Variants in LACC1 observed in about 807,000 individuals in gnomAD.
LACC1 encodes the protein purine nucleoside phosphorylase LACC1.
LACC1 carries 25 observed loss-of-function variants against 34.8 expected under a neutral mutation model. The ratio of observed to expected loss-of-function variants is 0.72; its 90% CI spans 0.52 to 1.00. LACC1 has a LOEUF of 1.00. LACC1 is among the 50% of genes least tolerant of loss of function. LACC1 has a pLI of 0.00. For synonymous variants in LACC1, 162 were observed against 168.0 expected, an observed-to-expected ratio of 0.96 and a Z score of 0.28; for missense variants, 426 against 511.2, an observed-to-expected ratio of 0.83 and a Z score of 1.61.
At chr13:43,891,417 C>T (rs1404579166) in intron 6 of LACC1, 32 bp from the exon 7 acceptor site, 3 of 957,578 alleles carry the variant, frequency 3.1e-6, no homozygotes, top group Non-Finnish European at 2.5e-6. Flanking sequence ...CACCAGTAAG[C>T]GTCTCATATT....
At chr13:43,879,463 T>C (rs1367141349), upstream of LACC1, 3 of 152,498 alleles carry the variant, frequency 2.0e-5, no homozygotes, top group Non-Finnish European at 4.4e-5. Flanking sequence ...CTGGTTCCTG[T>C]TCCTCTAACG....
chr13:43,886,231 T>C (rs979330699), intron 4 of LACC1, among the ~76,000 whole-genome samples: 6 of 152,166 alleles, frequency 3.9e-5, no homozygotes, highest in African/African-American at 9.7e-5. Flanking sequence ...AGAACTACCA[T>C]TCAACCCAGC....
rs144432497 is a variant in LACC1, at chr13:43,891,018, G to A, written c.*2-431G>A. 9.2e-5 allele frequency among the ~76,000 whole-genome samples: 14 copies of A among 152,306 alleles called. No individual in the cohort carries two copies. The East Asian group carries it at 1.9e-3, about 21-fold the overall frequency. ...CCTGCTCCTGTAGTCCCAGCTCCTC[G>A]GGAGGCTGAGGTGGGAGGACTGCTT... is the stretch of plus-strand genomic sequence containing the variant. On this transcript the variant is annotated intron_variant, in intron 6 of 6. Transcript: ENST00000325686.
intron 3 of LACC1, 100 bp from the exon 4 acceptor site, chr13:43,883,671 T>A: frequency 2.1e-5 from 17 of 799,370 alleles, no homozygotes; most frequent in Non-Finnish European, 2.9e-5. Context: ...AATCTTAAAC[T>A]GGTTATATAA....
intron 4 of LACC1, among the ~76,000 whole-genome samples, chr13:43,886,895 A>G (rs760160546): frequency 5.3e-5 from 8 of 152,202 alleles, no homozygotes; most frequent in Non-Finnish European, 1.2e-4. Flanking sequence ...ATGTATATAT[A>G]GATAGGCATA....
At chr13:43,885,827 C>T (rs1955294009) in intron 4 of LACC1, among the ~76,000 whole-genome samples, 1 of 152,048 alleles carries the variant, frequency 6.6e-6, no homozygotes, top group African/African-American at 2.4e-5. Context: ...AGAAAACCTA[C>T]AGAATTGGAG....
intron 4 of LACC1, among the ~76,000 whole-genome samples, chr13:43,888,330 G>C (rs1421861568): frequency 6.6e-6 from 1 of 152,154 alleles, no homozygotes; most frequent in East Asian, 1.9e-4. Flanking sequence ...AATAGTTGTA[G>C]AGTTTCCATT....
Position 43,881,235 on chromosome 13 carries a change from A to G in LACC1, c.250A>G (p.Met84Val). 4 of 1,614,216 alleles carry G rather than the reference A, an allele frequency of 2.5e-6. No individual in the cohort carries two copies. Among genetic ancestry groups the G allele is most frequent in the Non-Finnish European group, 3.4e-6 (4 of 1,180,028 alleles). ...ATTTGAGATTGTTAGCTGTCCCAGCATGGCTGCCACTTTGTATACCATTAA... is the reference window on the plus strand; with the variant it reads ...ATTTGAGATTGTTAGCTGTCCCAGCGTGGCTGCCACTTTGTATACCATTAA... The part of the protein sequence containing the change: ...EEFEIVSCPS[M>V]AATLYTIKQK... Residue 84 changes from methionine to valine, a missense_variant, in exon 2 of 7, where the codon ATG becomes GTG. Physicochemically the swap from Met to Val is conservative, Grantham distance 21. Coordinates refer to ENST00000325686, the MANE Select transcript of LACC1 (RefSeq NM_153218.4).
At chr13:43,890,502 T>A (rs1955528519) in intron 6 of LACC1, among the ~76,000 whole-genome samples, 1 of 152,314 alleles carries the variant, frequency 6.6e-6, no homozygotes, top group Admixed American at 6.5e-5. Flanking sequence ...AACACTCTAT[T>A]ATGAAGAGCA....
At chr13:43,882,716 A>G (rs978495157) in intron 3 of LACC1, among the ~76,000 whole-genome samples, 13 of 152,106 alleles carry the variant, frequency 8.5e-5, no homozygotes, top group African/African-American at 2.7e-4. Context: ...AAAGTTTCTA[A>G]GGCATATTTC....
chr13:43,882,880 G>T (rs1045560804), intron 3 of LACC1, among the ~76,000 whole-genome samples: 1 of 152,002 alleles, frequency 6.6e-6, no homozygotes, highest in Non-Finnish European at 1.5e-5. Context: ...GCTTTAGGTA[G>T]CTGGAGTCTA....
chr13:43,879,769 G>GGAGGCGGGGCGCGGT (rs1954848695), upstream of LACC1: 1 of 131,932 alleles, frequency 7.6e-6, no homozygotes. Flanking sequence ...GTGGGCGAGG[G>GGAGGCGGGGCGCGGT]GGGCGAGGTG....
chr13:43,891,395 A>T (rs917199070), intron 6 of LACC1, 54 bp from the exon 7 acceptor site: 1 of 860,230 alleles, frequency 1.2e-6, no homozygotes, highest in African/African-American at 1.8e-5. Context: ...TCTTACCTTG[A>T]TATTCTAATA....
chr13:43,890,114 G>A lies in LACC1; in HGVS notation c.1134G>A (p.Arg378=). 1 of 1,600,576 alleles carries A rather than the reference G, an allele frequency of 6.2e-7. No individual in the cohort carries two copies. The highest frequency in any genetic ancestry group is 8.5e-7 in the Non-Finnish European group (1 of 1,174,262). ...NPCIDIRKAT[R]ILLEQGGILP... Reference sequence around the variant, plus strand: ...TCTTTTGAAAAATATTTTTCCTAAGGATTCTTCTAGAACAGGGAGGAATTC... The same window carrying A: ...TCTTTTGAAAAATATTTTTCCTAAGAATTCTTCTAGAACAGGGAGGAATTC... The change falls in exon 6 of 7, where the codon AGG becomes AGA. Residue 378 remains arginine (R), a splice_region_variant and synonymous_variant. Transcript: ENST00000325686.
Position 43,881,057 on chromosome 13 carries a change from A to C in LACC1, c.72A>C (p.Leu24Phe). The change falls in exon 2 of 7, where the codon TTA becomes TTC. Residue 24 changes from leucine to phenylalanine, a missense_variant. Coordinates refer to ENST00000325686, the MANE Select transcript of LACC1 (RefSeq NM_153218.4). ...LNSQKNCHQT[L>F]LKTLNAVQYH... ...CTCAAAAAAACTGCCATCAGACATTACTGAAGACTTTGAATGCTGTCCAAT... is the reference window on the plus strand; with the variant it reads ...CTCAAAAAAACTGCCATCAGACATTCCTGAAGACTTTGAATGCTGTCCAAT... 1 of 1,614,196 alleles carries C rather than the reference A, an allele frequency of 6.2e-7. No individual in the cohort carries two copies. The highest frequency in any genetic ancestry group is 8.5e-7 in the Non-Finnish European group (1 of 1,180,032).
chr13:43,887,312 C>G (rs1002146305), intron 4 of LACC1, among the ~76,000 whole-genome samples: 7 of 152,132 alleles, frequency 4.6e-5, no homozygotes, highest in African/African-American at 1.7e-4. Flanking sequence ...AAAATTGATC[C>G]CTTCACCTGA....
chr13:43,891,598 A>C lies in LACC1; in HGVS notation c.*151A>C, dbSNP rs560751928. ...ATATTTTTACTATTATTCAAAGCCA[A>C]ATGATTTTCATTTAATTGTAATAAT... On this transcript the variant is annotated 3_prime_UTR_variant, in exon 7 of 7. Coordinates refer to ENST00000325686, the MANE Select transcript of LACC1 (RefSeq NM_153218.4). The C allele has an allele frequency of 1.4e-4, 119 of 822,966 alleles. 1 individual carries two copies. The South Asian group carries it at 5.9e-3, about 41-fold the overall frequency. The allele number at this position is 822,966 out of a possible 1,614,324, so 51.0% of individuals were successfully genotyped here.
chr13:43,881,065 CT>C lies in LACC1; in HGVS notation c.83del (p.Leu28Ter). On this transcript the variant is annotated frameshift_variant, in exon 2 of 7. Transcript: ENST00000325686. LOFTEE classifies it high-confidence loss of function. ...AACTGCCATCAGACATTACTGAAGA[CT>C]TTGAATGCTGTCCAATACCACCATG... is the stretch of plus-strand genomic sequence containing the variant. ...QKNCHQTLLK[T>X]LNAVQYHHAA... is the part of the protein sequence containing the mutation. 6.2e-7 allele frequency: 1 copy of C among 1,614,130 alleles called. No homozygotes were observed. Among genetic ancestry groups the C allele is most frequent in the Non-Finnish European group, 8.5e-7 (1 of 1,180,020 alleles).
Position 43,888,746 on chromosome 13 carries a change from CTATT to C in LACC1, c.908-8_908-5del. ...TGACTTCTCTTATCTCTTTTTATTC[CTATT>C]TACCAGGTTGGAAAGGTACTTTGTT... On this transcript the variant is annotated splice_polypyrimidine_tract_variant and splice_region_variant and intron_variant, in intron 4 of 6. Transcript: ENST00000325686. 3 of 1,605,014 alleles carry C rather than the reference CTATT, an allele frequency of 1.9e-6. No individual in the cohort carries two copies. The highest frequency in any genetic ancestry group is 2.6e-6 in the Non-Finnish European group (3 of 1,172,494).
Sources: allele counts gnomAD v4.1 joint callset (sites outside exome capture counted in the v4.1 genomes callset), GRCh38; gene constraint gnomAD v4.1.1; transcripts MANE v1.5; gene names NCBI Gene and HGNC (gene_info 2026-07-23, HGNC 2026-07-21).